Variants in POLI observed in about 807,000 individuals in gnomAD.
POLI encodes DNA polymerase iota, also known as RAD30 homolog B.
A neutral mutation model predicts 51.6 loss-of-function variants in POLI; 58 were observed. The ratio of observed to expected loss-of-function variants is 1.12; its 90% CI spans 0.91 to 1.40. POLI has a LOEUF of 1.40. Among genes scored for constraint, POLI ranks in the 40% most tolerant of loss-of-function variants. The probability of loss-of-function intolerance (pLI) is 0.00; values close to 1 mark genes in which losing one functional copy is unlikely to be tolerated. For synonymous variants in POLI, 322 were observed against 299.7 expected, an observed-to-expected ratio of 1.07 and a Z score of -0.77; for missense variants, 921 against 871.3, an observed-to-expected ratio of 1.06 and a Z score of -0.72.
Position 54,284,028 on chromosome 18 carries a change from ATTTTGCCAAGT to A in POLI, c.1067+16_1067+26del. On this transcript the variant is annotated intron_variant, in intron 7 of 9. Transcript: ENST00000579534. ...CTTTTAAACAGGTGATTTTCAATCC[ATTTTGCCAAGT>A]CATCCTATGTATTCATTCTATATAC... 8.9e-7 allele frequency: 1 copy of A among 1,119,870 alleles called. No homozygotes were observed. The highest frequency in any genetic ancestry group is 1.3e-6 in the Non-Finnish European group (1 of 758,526). The allele number at this position is 1,119,870 out of a possible 1,614,324, so 69.4% of individuals were successfully genotyped here.
rs1016631788 is a variant in POLI, at chr18:54,296,123, G to A, written c.*1656G>A. ...TTTTTTACATGAGTATTCCAGTAAG[G>A]TAATTAAACTTATGAAAAGGGTATA... On this transcript the variant is annotated 3_prime_UTR_variant, in exon 10 of 10. Transcript: ENST00000579534. 3 of 981,516 alleles carry A rather than the reference G, an allele frequency of 3.1e-6. No homozygotes were observed. Among genetic ancestry groups the A allele is most frequent in the Non-Finnish European group, 3.6e-6 (3 of 826,448 alleles). 60.8% of individuals were successfully genotyped at this position (981,516 alleles called of 1,614,324 possible). A position where few individuals can be genotyped will look rare whatever the true frequency, so the allele number is the denominator to read the frequency against.
At chr18:54,304,186 G>A (rs1307154540) in intron 3 of POLI, among the ~76,000 whole-genome samples, 1 of 152,146 alleles carries the variant, frequency 6.6e-6, no homozygotes, top group East Asian at 1.9e-4. Context: ...TTGGTTCCAA[G>A]TTTTTGCTAT....
intron 3 of POLI, among the ~76,000 whole-genome samples, chr18:54,303,314 A>G (rs2088524406): frequency 6.6e-6 from 1 of 152,228 alleles, no homozygotes; most frequent in Non-Finnish European, 1.5e-5. Flanking sequence ...AGAATGACAG[A>G]ATGGTAGAAA....
At chr18:54,283,499 TTTCC>T (rs893436551) in intron 6 of POLI, among the ~76,000 whole-genome samples, 2 of 152,110 alleles carry the variant, frequency 1.3e-5, no homozygotes, top group Admixed American at 6.5e-5. Context: ...ACTTCTCTTC[TTTCC>T]TTCCTTCCTT....
At chr18:54,275,183 G>C (rs1376554440) in intron 3 of POLI, among the ~76,000 whole-genome samples, 1 of 152,174 alleles carries the variant, frequency 6.6e-6, no homozygotes, top group East Asian at 1.9e-4. Flanking sequence ...CATAAGGCTG[G>C]GTATTGTGGC....
At position 54,280,830 on chromosome 18, in the gene POLI, T is replaced by A; in HGVS notation, c.723T>A (p.Asn241Lys). ...AKLVSGVFKP[N>K]QQTVLLPESC... is the part of the protein sequence containing the mutation. ...TAGTTTCTGGTGTCTTTAAACCAAATCAACAAACAGTCTTATTACCTGAAA... is the reference window on the plus strand; with the variant it reads ...TAGTTTCTGGTGTCTTTAAACCAAAACAACAAACAGTCTTATTACCTGAAA... Residue 241 changes from asparagine to lysine, a missense_variant, in exon 5 of 10, where the codon AAT becomes AAA. Physicochemically the swap from Asn to Lys is moderately conservative, Grantham distance 94. Coordinates refer to ENST00000579534, the MANE Select transcript of POLI (RefSeq NM_007195.3). 2 of 1,613,788 alleles carry A rather than the reference T, an allele frequency of 1.2e-6. No individual in the cohort carries two copies. Among genetic ancestry groups the A allele is most frequent in the Non-Finnish European group, 1.7e-6 (2 of 1,179,734 alleles).
chr18:54,307,254 C>G (rs1036046997), intron 3 of POLI, among the ~76,000 whole-genome samples: 3 of 152,234 alleles, frequency 2.0e-5, no homozygotes, highest in African/African-American at 7.2e-5. Flanking sequence ...TCTATAGACA[C>G]ACTGCTTTAA....
At position 54,287,290 on chromosome 18, in the gene POLI, A is replaced by G. The variant is rs1002797739; in HGVS notation, c.1077A>G (p.Gln359=). Reference sequence around the variant, plus strand: ...TTCTCTTTATTTTTAGAGTATGCCAAGATGGAAGGAAGCCTCATACAGTGA... The same window carrying G: ...TTCTCTTTATTTTTAGAGTATGCCAGGATGGAAGGAAGCCTCATACAGTGA... The part of the protein sequence containing the change: ...LLASLLNRVC[Q]DGRKPHTVRL... The change falls in exon 8 of 10, where the codon CAA becomes CAG. Residue 359 remains glutamine (Q), a synonymous_variant. Coordinates refer to ENST00000579534, the MANE Select transcript of POLI (RefSeq NM_007195.3). 1.3e-6 allele frequency: 2 copies of G among 1,570,992 alleles called. No individual in the cohort carries two copies. Among genetic ancestry groups the G allele is most frequent in the African/African-American group, 2.7e-5 (2 of 74,072 alleles).
intron 3 of POLI, among the ~76,000 whole-genome samples, chr18:54,310,165 G>A (rs2088651797): frequency 6.6e-6 from 1 of 152,170 alleles, no homozygotes; most frequent in Non-Finnish European, 1.5e-5. Flanking sequence ...CCCGTCTTCT[G>A]CATCAGTCAC....
At chr18:54,307,945 C>T (rs1172282198) in intron 3 of POLI, among the ~76,000 whole-genome samples, 8 of 150,486 alleles carry the variant, frequency 5.3e-5, no homozygotes, top group African/African-American at 2.5e-5. Flanking sequence ...GTAGATTTTC[C>T]TCCATCCCTT....
rs376996344 is a variant in POLI at position 54,272,639 on chromosome 18, T to G, written c.241+1154T>G. ...GGTGTGCGCCACCATACTCGGTTAA[T>G]TTTTTTGTATTTTTAGTAGAGACGG... On this transcript the variant is annotated intron_variant, in intron 2 of 9. Transcript: ENST00000579534. 4.0e-5 allele frequency among the ~76,000 whole-genome samples: 6 copies of G among 151,242 alleles called. No homozygotes were observed. In the East Asian group the frequency reaches 7.7e-4, roughly 20 times the overall value.
At chr18:54,309,535 C>A (rs527489296) in intron 3 of POLI, among the ~76,000 whole-genome samples, 1 of 152,160 alleles carries the variant, frequency 6.6e-6, no homozygotes, top group African/African-American at 2.4e-5. Context: ...AGTTAGGCTA[C>A]GTGGGTGTCA....
chr18:54,306,120 G>A (rs560025168), intron 3 of POLI, among the ~76,000 whole-genome samples: 1 of 152,276 alleles, frequency 6.6e-6, no homozygotes, highest in African/African-American at 2.4e-5. Context: ...TGTTGAATAG[G>A]AGTGGTGAGA....
chr18:54,269,719 C>A, intron 1 of POLI, 58 bp downstream of exon 1: 1 of 1,418,330 alleles, frequency 7.1e-7, no homozygotes, highest in Non-Finnish European at 9.1e-7. Context: ...AAGGGTGGGG[C>A]AGGCGGACGC....
chr18:54,282,239 C>T (rs999794427), intron 5 of POLI, among the ~76,000 whole-genome samples: 4 of 152,066 alleles, frequency 2.6e-5, no homozygotes, highest in Non-Finnish European at 5.9e-5. Context: ...TATTACATAA[C>T]AGGTGGTAAA....
At chr18:54,312,124 C>T (rs757677725) in intron 3 of POLI, among the ~76,000 whole-genome samples, 13 of 152,088 alleles carry the variant, frequency 8.5e-5, no homozygotes, top group Non-Finnish European at 1.6e-4. Flanking sequence ...CTTATATTCC[C>T]CCCCAGCGTC....
At chr18:54,300,783 CATT>C (rs1277901592), downstream of POLI, among the ~76,000 whole-genome samples, 6 of 152,218 alleles carry the variant, frequency 3.9e-5, no homozygotes, top group Non-Finnish European at 8.8e-5. Flanking sequence ...ACGAGTCTAA[CATT>C]AATCAAAAGA....
intron 3 of POLI, 56 bp downstream of exon 3, chr18:54,274,146 C>A: frequency 2.4e-6 from 2 of 838,582 alleles, no homozygotes; most frequent in South Asian, 4.6e-5. Context: ...GATGCCTGTT[C>A]ATTACATGAA....
At chr18:54,271,850 CTG>C (rs2087018176) in intron 2 of POLI, among the ~76,000 whole-genome samples, 1 of 152,190 alleles carries the variant, frequency 6.6e-6, no homozygotes, top group Non-Finnish European at 1.5e-5. Context: ...AAGTGTTCGT[CTG>C]TCCTCCCCTT....
Sources: allele counts gnomAD v4.1 joint callset (sites outside exome capture counted in the v4.1 genomes callset), GRCh38; gene constraint gnomAD v4.1.1; transcripts MANE v1.5; gene names NCBI Gene and HGNC (gene_info 2026-07-23, HGNC 2026-07-21).